The following METTL16 variants were observed in gnomAD, a reference collection of about 807,000 sequenced individuals.
METTL16 encodes the protein methyltransferase 16, RNA N6-adenosine.
A neutral mutation model predicts 57.9 loss-of-function variants in METTL16; 19 were observed. The observed-to-expected ratio is 0.33, with a 90% CI of 0.23 to 0.48. The LOEUF is 0.48. Among genes scored for constraint, METTL16 ranks in the 20% least tolerant of loss-of-function variants. METTL16 has a pLI of 0.99. For synonymous variants in METTL16, 246 were observed against 255.6 expected (o/e 0.96, Z 0.36); for missense variants, 434 against 691.5 (o/e 0.63, Z 4.18).
In METTL16 at chr17:2,419,803, G is replaced by C. The variant is rs1206478177; in HGVS notation, c.*167C>G. Reference sequence around the variant, plus strand: ...ACTACGACTCCCTGTAACTCAAAAAGCGGGAAGGAGGCGGGGGGAGGTGGG... The same window carrying C: ...ACTACGACTCCCTGTAACTCAAAAACCGGGAAGGAGGCGGGGGGAGGTGGG... On this transcript the variant is annotated 3_prime_UTR_variant, in exon 10 of 10. Transcript: ENST00000263092. The C allele has an allele frequency of 1.2e-6, 1 of 816,744 alleles. No homozygotes were observed. Among genetic ancestry groups the C allele is most frequent in the African/African-American group, 1.7e-5 (1 of 58,828 alleles). 50.6% of individuals were successfully genotyped at this position (816,744 alleles called of 1,614,324 possible).
chr17:2,421,301 G>A (rs2151682684), intron 8 of METTL16, among the ~76,000 whole-genome samples: 1 of 152,232 alleles, frequency 6.6e-6, no homozygotes, highest in Non-Finnish European at 1.5e-5. Context: ...GCTGCAGGGA[G>A]CTCTGATTGC....
At chr17:2,433,705 C>T (rs751272043) in intron 8 of METTL16, among the ~76,000 whole-genome samples, 5 of 152,218 alleles carry the variant, frequency 3.3e-5, no homozygotes, top group Non-Finnish European at 5.9e-5. Flanking sequence ...CAAACAACAA[C>T]AAATATTATA....
Position 2,426,096 on chromosome 17 carries a change from G to C in METTL16, c.889-5192C>G, listed in dbSNP as rs189255889. Among the ~76,000 whole-genome samples the C allele has an allele frequency of 2.1e-3, 312 of 150,240 alleles. 1 individual carries two copies. The highest frequency in any genetic ancestry group is 7.5e-3 in the African/African-American group (305 of 40,884). On this transcript the variant is annotated intron_variant, in intron 8 of 9. Coordinates refer to ENST00000263092, the MANE Select transcript of METTL16 (RefSeq NM_024086.4). The stretch of plus-strand genomic sequence containing the variant: ...AAATTCTCTCTAGTATTTGCAGGAA[G>C]AGAAGAGCCATTCTACAGAGAAATC...
intron 6 of METTL16, 23 bp downstream of exon 6, chr17:2,464,185 C>CT (rs747446382): frequency 1.2e-6 from 2 of 1,603,996 alleles, no homozygotes; most frequent in Non-Finnish European, 1.7e-6. Context: ...AAGATGGACT[C>CT]TATGTTGTAA....
chr17:2,419,468 C>A lies in METTL16; in HGVS notation c.*502G>T. On this transcript the variant is annotated 3_prime_UTR_variant, in exon 10 of 10. Coordinates refer to ENST00000263092, the MANE Select transcript of METTL16 (RefSeq NM_024086.4). Reference sequence around the variant, plus strand: ...CTCTCCCAGATTCCCCACCACCCACCATACAGCTCCCTTTGTGGGATTGAT... The same window carrying A: ...CTCTCCCAGATTCCCCACCACCCACAATACAGCTCCCTTTGTGGGATTGAT... 1 of 343,534 alleles carries A rather than the reference C, an allele frequency of 2.9e-6. No individual in the cohort carries two copies. The highest frequency in any genetic ancestry group is 5.8e-6 in the Non-Finnish European group (1 of 173,052). The allele number at this position is 343,534 out of a possible 1,614,324, so 21.3% of individuals were successfully genotyped here. A position where few individuals can be genotyped will look rare whatever the true frequency, so the allele number is the denominator to read the frequency against.
chr17:2,467,312 A>C (rs771662209), intron 5 of METTL16, among the ~76,000 whole-genome samples: 1 of 152,228 alleles, frequency 6.6e-6, no homozygotes, highest in Non-Finnish European at 1.5e-5. Flanking sequence ...CCGGATGTTC[A>C]AGACCAGCTT....
chr17:2,472,147 A>ACATCT (rs938014723), intron 4 of METTL16, among the ~76,000 whole-genome samples: 1 of 152,054 alleles, frequency 6.6e-6, no homozygotes, highest in Non-Finnish European at 1.5e-5. Context: ...GCCTGAACAG[A>ACATCT]CATCTCACCA....
At position 2,446,975 on chromosome 17, in the gene METTL16, G is replaced by A. The variant is rs1296888473; in HGVS notation, c.729-5416C>T. Among the ~76,000 whole-genome samples the A allele has an allele frequency of 4.6e-5, 7 of 151,416 alleles. No homozygotes were observed. The South Asian group carries it at 6.3e-4, about 14-fold the overall frequency. On this transcript the variant is annotated intron_variant, in intron 6 of 9. Transcript: ENST00000263092. ...GCCTGCCTTGGCCCCCCAAAGTGCC[G>A]AGATTGCAGCCTCTGCCCAGCCGCC...
At chr17:2,465,887 A>C (rs554900947) in intron 5 of METTL16, among the ~76,000 whole-genome samples, 1 of 151,162 alleles carries the variant, frequency 6.6e-6, no homozygotes, top group African/African-American at 2.4e-5. Context: ...GACCTCAAAA[A>C]AAAAAGGACA....
chr17:2,507,238 G>A (rs1414985221), intron 1 of METTL16, among the ~76,000 whole-genome samples: 7 of 145,960 alleles, frequency 4.8e-5, no homozygotes, highest in South Asian at 4.3e-4. Flanking sequence ...CGCCCCGACC[G>A]GGAGGTGAGG....
chr17:2,471,696 G>A (rs1300962904), intron 4 of METTL16, among the ~76,000 whole-genome samples: 2 of 152,124 alleles, frequency 1.3e-5, no homozygotes, highest in Admixed American at 6.5e-5. Context: ...GGTGAGGCAG[G>A]AGAATGGTGT....
At chr17:2,468,046 G>C (rs1232481296) in intron 4 of METTL16, among the ~76,000 whole-genome samples, 170 bp from the exon 5 acceptor site, 1 of 152,198 alleles carries the variant, frequency 6.6e-6, no homozygotes, top group Non-Finnish European at 1.5e-5. Context: ...TGCTTAGATA[G>C]ACAAATACCA....
In METTL16 at chr17:2,420,174, C is replaced by A; in HGVS notation, c.1485G>T (p.Gln495His). 3.1e-6 allele frequency: 5 copies of A among 1,614,262 alleles called. No individual in the cohort carries two copies. Among genetic ancestry groups the A allele is most frequent in the Non-Finnish European group, 4.2e-6 (5 of 1,180,046 alleles). ...CCCTTTCAGCCACTGGGCTGCCGAA[C>A]TGCTCAGAAGCCTCTTGGTCCTGGG... ...NGAQDQEASE[Q>H]FGSPVAERGK... is the part of the protein sequence containing the mutation. Residue 495 changes from glutamine to histidine, a missense_variant, in exon 10 of 10, where the codon CAG becomes CAT. Physicochemically the swap from Gln to His is conservative, Grantham distance 24 (BLOSUM62 0). Coordinates refer to ENST00000263092, the MANE Select transcript of METTL16 (RefSeq NM_024086.4). This position sits in a 1 kb window ranked among gnomAD's most constrained non-coding sequence, Gnocchi z 5.4.
intron 3 of METTL16, 63 bp from the exon 4 acceptor site, chr17:2,473,727 A>G (rs2067250893): frequency 6.6e-7 from 1 of 1,511,730 alleles, no homozygotes; most frequent in Non-Finnish European, 9.0e-7. Flanking sequence ...AATAATCATG[A>G]AAACACCATT....
intron 2 of METTL16, among the ~76,000 whole-genome samples, chr17:2,498,167 C>G (rs1205511493): frequency 6.6e-6 from 1 of 150,416 alleles, no homozygotes; most frequent in African/African-American, 2.5e-5. Context: ...GCACTCCAGC[C>G]TGGGCGACAG....
chr17:2,448,000 G>T (rs1267139167), intron 6 of METTL16, among the ~76,000 whole-genome samples: 201 of 110,308 alleles, frequency 1.8e-3, no homozygotes, highest in Middle Eastern at 5.2e-3. Flanking sequence ...GAGGTGAGGG[G>T]CGCCTCTGCC....
chr17:2,480,461 G>T (rs993068137), intron 2 of METTL16, among the ~76,000 whole-genome samples: 4 of 152,154 alleles, frequency 2.6e-5, no homozygotes, highest in Admixed American at 1.3e-4. Flanking sequence ...GGACCCTGAA[G>T]AGACACAGCC....
intron 8 of METTL16, among the ~76,000 whole-genome samples, chr17:2,433,556 A>G (rs990603221): frequency 5.3e-5 from 8 of 152,226 alleles, no homozygotes; most frequent in African/African-American, 1.9e-4. Flanking sequence ...GCAGAGTGTC[A>G]GAGTGACATT....
chr17:2,479,600 C>A (rs1383271026), intron 2 of METTL16, among the ~76,000 whole-genome samples: 1 of 152,132 alleles, frequency 6.6e-6, no homozygotes, highest in Non-Finnish European at 1.5e-5. Context: ...AGCTTCTGGT[C>A]TGTACTATCT....
Sources: gnomAD v4.1 joint callset for allele counts (sites outside exome capture counted in the v4.1 genomes callset) on GRCh38, gnomAD v4.1.1 for gene constraint, Gnocchi (gnomAD v3.1) non-coding constraint, MANE v1.5 for transcripts, NCBI Gene and HGNC (gene_info 2026-07-23, HGNC 2026-07-21) for gene names.